Variants in ZHX3 observed in about 807,000 individuals in gnomAD.
The protein encoded by ZHX3 is zinc fingers and homeoboxes protein 3.
Under a neutral mutation model 64.5 loss-of-function variants are expected in ZHX3, and 20 were observed. The observed-to-expected ratio is 0.31, with a 90% CI of 0.22 to 0.45. The LOEUF is 0.45. Among genes scored for constraint, ZHX3 ranks in the 20% least tolerant of loss-of-function variants. The probability of loss-of-function intolerance (pLI) is 1.00; values close to 1 mark genes in which losing one functional copy is unlikely to be tolerated. For synonymous variants in ZHX3, 423 were observed against 461.6 expected (o/e 0.92, Z 1.07); for missense variants, 1,041 against 1,195.8 (o/e 0.87, Z 1.91).
At chr20:41,267,911 A>G (rs1568922995) in intron 2 of ZHX3, among the ~76,000 whole-genome samples, 1 of 152,222 alleles carries the variant, frequency 6.6e-6, no homozygotes, top group Non-Finnish European at 1.5e-5. Flanking sequence ...AACTTGTCTT[A>G]TGACATTTTT....
intron 1 of ZHX3, among the ~76,000 whole-genome samples, chr20:41,299,646 G>A (rs1199334868): frequency 6.6e-6 from 1 of 152,136 alleles, no homozygotes; most frequent in African/African-American, 2.4e-5. Context: ...TGGATCACTT[G>A]AGGTCATGAG....
intron 1 of ZHX3, among the ~76,000 whole-genome samples, chr20:41,312,194 A>G (rs2045159068): frequency 6.6e-6 from 1 of 152,026 alleles, no homozygotes; most frequent in Admixed American, 6.6e-5. Context: ...GGCACCCTGT[A>G]GCTAGCTAGA....
At chr20:41,304,372 C>A (rs2044912334) in intron 1 of ZHX3, among the ~76,000 whole-genome samples, 1 of 152,178 alleles carries the variant, frequency 6.6e-6, no homozygotes, top group South Asian at 2.1e-4. Flanking sequence ...GAGCTCTCCA[C>A]AATCTGGCTA....
In ZHX3 at chr20:41,265,498, G is replaced by A. The variant is rs533890524; in HGVS notation, c.-151+3492C>T. Among the ~76,000 whole-genome samples, 9 of 152,146 alleles carry A rather than the reference G, an allele frequency of 5.9e-5. No individual in the cohort carries two copies. The South Asian group carries it at 1.0e-3, about 18-fold the overall frequency. On this transcript the variant is annotated intron_variant, in intron 2 of 3. Coordinates refer to ENST00000683867, the MANE Select transcript of ZHX3 (RefSeq NM_001384317.1). The stretch of plus-strand genomic sequence containing the variant: ...ATGACAGGCGTGAGCCACCGCGCCC[G>A]GCCGTTACGATAAATTTAAAGTGAC...
chr20:41,217,781 C>T (rs1185191461), intron 2 of ZHX3, among the ~76,000 whole-genome samples: 3 of 152,190 alleles, frequency 2.0e-5, no homozygotes, highest in Non-Finnish European at 2.9e-5. Context: ...GAGGAGCTAT[C>T]GAGCAAGAAA....
rs1333532701 is a variant in ZHX3, at chr20:41,208,946, C to T, written c.-150-3880G>A. On this transcript the variant is annotated intron_variant, in intron 2 of 3. Transcript: ENST00000683867. ...TGATTGTATATTTAGAAAACCCCAT[C>T]GTCTCAGCCTAAAATCTCCTTAAGC... Among the ~76,000 whole-genome samples the T allele has an allele frequency of 6.6e-5, 10 of 152,298 alleles. No homozygotes were observed. The South Asian group carries it at 1.0e-3, about 16-fold the overall frequency.
Position 41,214,623 on chromosome 20 carries a change from C to T in ZHX3, c.-150-9557G>A, listed in dbSNP as rs6029571. 7.8e-3 allele frequency among the ~76,000 whole-genome samples: 1,184 copies of T among 152,320 alleles called. 11 individuals are homozygous for T. Among genetic ancestry groups the T allele is most frequent in the African/African-American group, 0.027 (1,121 of 41,572 alleles). On this transcript the variant is annotated intron_variant, in intron 2 of 3. Transcript: ENST00000683867. ...CATATCCCCACCACCTGGATGCTTA[C>T]TAAGGTGGCTGTTTTTAGCAACATT... is the stretch of plus-strand genomic sequence containing the variant.
chr20:41,262,055 C>A (rs1441433457), intron 2 of ZHX3, among the ~76,000 whole-genome samples: 1 of 152,182 alleles, frequency 6.6e-6, no homozygotes, highest in East Asian at 1.9e-4. Flanking sequence ...CCCTAATTCC[C>A]AATCTCCACC....
chr20:41,201,943 G>T lies in ZHX3; in HGVS notation c.2860+114C>A. ...AAGCAGCCAGGCGGTTAATGCTGCTGCCAGGCAGCCTTAGAGACAGCAGAT... is the reference window on the plus strand; with the variant it reads ...AAGCAGCCAGGCGGTTAATGCTGCTTCCAGGCAGCCTTAGAGACAGCAGAT... On this transcript the variant is annotated intron_variant, in intron 3 of 3. Coordinates refer to ENST00000683867, the MANE Select transcript of ZHX3 (RefSeq NM_001384317.1). The surrounding 1 kb of genome is among the most constrained non-coding windows in gnomAD (Gnocchi z 5.0). The T allele has an allele frequency of 1.5e-6, 2 of 1,340,248 alleles. No homozygotes were observed. Among genetic ancestry groups the T allele is most frequent in the Non-Finnish European group, 2.0e-6 (2 of 1,011,710 alleles). 83.0% of individuals were successfully genotyped at this position (1,340,248 alleles called of 1,614,324 possible). A position where few individuals can be genotyped will look rare whatever the true frequency, so the allele number is the denominator to read the frequency against.
At chr20:41,193,478 C>T (rs370888623) in intron 3 of ZHX3, among the ~76,000 whole-genome samples, 10 of 152,068 alleles carry the variant, frequency 6.6e-5, no homozygotes, top group East Asian at 1.9e-4. Flanking sequence ...TATAAAAATA[C>T]GACCAATTTT....
chr20:41,257,307 G>A (rs2042308833), intron 2 of ZHX3, among the ~76,000 whole-genome samples: 2 of 152,104 alleles, frequency 1.3e-5, no homozygotes, highest in Admixed American at 1.3e-4. Context: ...ATCTTGCATT[G>A]ACTAATTTTC....
chr20:41,253,218 C>T (rs1268341171), intron 2 of ZHX3, among the ~76,000 whole-genome samples: 4 of 147,952 alleles, frequency 2.7e-5, no homozygotes, highest in Non-Finnish European at 5.9e-5. Context: ...TTTATTTTAC[C>T]TGTTGTCTTG....
At position 41,185,509 on chromosome 20, in the gene ZHX3, G is replaced by T; in HGVS notation, c.2861-308C>A. On this transcript the variant is annotated intron_variant, in intron 3 of 3. Coordinates refer to ENST00000683867, the MANE Select transcript of ZHX3 (RefSeq NM_001384317.1). This position sits in a 1 kb window ranked among gnomAD's most constrained non-coding sequence, Gnocchi z 5.0. ...CCCACTAAATCCCCCTAGCTCCCCA[G>T]GCTTCCGCCACCACCGTCTCTGGAG... The T allele has an allele frequency of 1.9e-6, 1 of 514,332 alleles. No homozygotes were observed. Among genetic ancestry groups the T allele is most frequent in the South Asian group, 3.4e-5 (1 of 29,642 alleles). 31.9% of individuals were successfully genotyped at this position (514,332 alleles called of 1,614,324 possible).
intron 1 of ZHX3, chr20:41,290,449 T>G (rs937052653): frequency 6.6e-5 from 10 of 152,208 alleles, no homozygotes; most frequent in African/African-American, 2.4e-4. Flanking sequence ...GTCACCATAT[T>G]GATGCCAAAC....
chr20:41,258,776 C>T (rs2042402094), intron 2 of ZHX3, among the ~76,000 whole-genome samples: 1 of 152,052 alleles, frequency 6.6e-6, no homozygotes, highest in Admixed American at 6.5e-5. Context: ...AATTTATGAC[C>T]TCTTTCTTTA....
At chr20:41,251,364 T>G (rs904826592) in intron 2 of ZHX3, among the ~76,000 whole-genome samples, 1 of 152,120 alleles carries the variant, frequency 6.6e-6, no homozygotes, top group African/African-American at 2.4e-5. Flanking sequence ...AGTGGTAAAA[T>G]ACTGATCATA....
intron 2 of ZHX3, among the ~76,000 whole-genome samples, chr20:41,210,146 G>C (rs544406461): frequency 1.3e-5 from 2 of 152,314 alleles, no homozygotes; most frequent in South Asian, 4.1e-4. Flanking sequence ...ATCACAATGA[G>C]ATACCATCTC....
intron 1 of ZHX3, among the ~76,000 whole-genome samples, chr20:41,304,265 A>T (rs538786370): frequency 6.6e-6 from 1 of 152,178 alleles, no homozygotes; most frequent in African/African-American, 2.4e-5. Flanking sequence ...GAAATCATCC[A>T]CAGATATAAC....
chr20:41,265,845 A>G (rs1019603219), intron 2 of ZHX3, among the ~76,000 whole-genome samples: 4 of 152,222 alleles, frequency 2.6e-5, no homozygotes, highest in African/African-American at 9.6e-5. Context: ...TAAGGAACAA[A>G]TGTTCAAAAG....
Sources: allele counts gnomAD v4.1 joint callset (sites outside exome capture counted in the v4.1 genomes callset), GRCh38; gene constraint gnomAD v4.1.1; non-coding constraint Gnocchi (gnomAD v3.1); transcripts MANE v1.5; gene names NCBI Gene and HGNC (gene_info 2026-07-23, HGNC 2026-07-21).